CUBN: variants seen among roughly 807,000 people sequenced by gnomAD.
CUBN encodes the protein 460 kDa receptor.
In CUBN, 282 loss-of-function variants were observed where a neutral mutation model predicts 405.3. That is an observed-to-expected ratio of 0.70 (90% CI 0.63 to 0.77). The LOEUF is 0.77. Ranked by LOEUF, CUBN falls within the 30% of genes least tolerant of loss-of-function variation. The probability of loss-of-function intolerance (pLI) is 0.00; values close to 1 mark genes in which losing one functional copy is unlikely to be tolerated. For missense variants in CUBN, 4,514 were observed against 4,475.2 expected (o/e 1.01, Z -0.25); for synonymous variants, 1,684 against 1,617.0 (o/e 1.04, Z -0.99).
intron 26 of CUBN, 72 bp from the exon 27 acceptor site, chr10:17,041,292 T>A: frequency 2.4e-6 from 3 of 1,236,018 alleles, no homozygotes; most frequent in South Asian, 1.2e-5. Context: ...GATTTTCCTT[T>A]AAAAAAAATA....
chr10:17,129,130 A>G lies in CUBN; in HGVS notation c.243T>C (p.Cys81=). 6.2e-7 allele frequency: 1 copy of G among 1,612,354 alleles called. No homozygotes were observed. The highest frequency in any genetic ancestry group is 8.5e-7 in the Non-Finnish European group (1 of 1,178,480). The change falls in exon 2 of 67, where the codon TGT becomes TGC. Residue 81 remains cysteine (C), a synonymous_variant. Coordinates refer to ENST00000377833, the MANE Select transcript of CUBN (RefSeq NM_001081.4). ...IKLNDEDLSE[C]LHQIQKNKED... is the part of the protein sequence containing the mutation. ...ATTTCCAGTGTATTACCTGATGTAA[A>G]CACTCACTGAGATCTTCATCATTTA...
At chr10:16,873,269 A>G (rs1211411362) in intron 58 of CUBN, among the ~76,000 whole-genome samples, 1 of 152,148 alleles carries the variant, frequency 6.6e-6, no homozygotes, top group Non-Finnish European at 1.5e-5. Flanking sequence ...GAACTTTATC[A>G]TTCTGGAGAG....
At chr10:16,912,543 G>A (rs1390876805) in intron 48 of CUBN, among the ~76,000 whole-genome samples, 1 of 152,192 alleles carries the variant, frequency 6.6e-6, no homozygotes, top group Non-Finnish European at 1.5e-5. Context: ...GGCCAGGGTG[G>A]GGTCTGTAAT....
intron 43 of CUBN, among the ~76,000 whole-genome samples, chr10:16,921,282 C>T (rs1842025599): frequency 6.6e-6 from 1 of 152,140 alleles, no homozygotes; most frequent in African/African-American, 2.4e-5. Context: ...CATTTGTTAC[C>T]CCTAATTTAT....
chr10:16,885,800 C>T (rs769440707), intron 56 of CUBN, among the ~76,000 whole-genome samples: 2 of 152,184 alleles, frequency 1.3e-5, no homozygotes, highest in Non-Finnish European at 2.9e-5. Context: ...GTGAGATGCA[C>T]TGTTTATTTA....
At position 16,841,007 on chromosome 10, in the gene CUBN, G is replaced by C; in HGVS notation, c.9704C>G (p.Thr3235Arg). 3 of 1,614,040 alleles carry C rather than the reference G, an allele frequency of 1.9e-6. No individual in the cohort carries two copies. The highest frequency in any genetic ancestry group is 2.5e-6 in the Non-Finnish European group (3 of 1,179,978). ...GDSENANLAG[T>R]FCGSTVPAPF... is the part of the protein sequence containing the mutation. ...AGCAGGTACTGTGGAACCACAAAAC[G>C]TTCCAGCCAAGTTCGCATTTTCACT... The change falls in exon 61 of 67, where the codon ACG becomes AGG. Residue 3235 changes from threonine to arginine, a missense_variant. This residue lies in a region of CUBN where 1,186 missense variants were observed against 1,186.9 expected (regional missense o/e 1.00). Transcript: ENST00000377833.
chr10:16,992,913 C>A (rs1833635705), intron 28 of CUBN, among the ~76,000 whole-genome samples: 1 of 152,212 alleles, frequency 6.6e-6, no homozygotes, highest in Non-Finnish European at 1.5e-5. Context: ...ATTTGTCCGA[C>A]TACAACAACA....
chr10:16,997,260 C>G (rs539113682), intron 28 of CUBN, among the ~76,000 whole-genome samples: 1 of 151,886 alleles, frequency 6.6e-6, no homozygotes, highest in Non-Finnish European at 1.5e-5. Flanking sequence ...ATGGTGAAAC[C>G]CTGTCTCTAT....
intron 66 of CUBN, among the ~76,000 whole-genome samples, chr10:16,825,852 A>G (rs553523367): frequency 1.5e-4 from 23 of 152,126 alleles, no homozygotes; most frequent in Non-Finnish European, 2.9e-4. Context: ...CCCTACCCCA[A>G]GTCATCAAAA....
intron 14 of CUBN, among the ~76,000 whole-genome samples, chr10:17,098,308 C>A (rs2131294178): frequency 6.6e-6 from 1 of 152,284 alleles, no homozygotes; most frequent in Admixed American, 6.5e-5. Context: ...ATGTTAGGTT[C>A]TTTCCAAATT....
chr10:16,865,657 C>T (rs1225576219), intron 59 of CUBN, among the ~76,000 whole-genome samples: 2 of 152,074 alleles, frequency 1.3e-5, no homozygotes, highest in African/African-American at 4.8e-5. Flanking sequence ...ATGCACCAAT[C>T]AGCAGGATCC....
chr10:16,861,308 T>C (rs1011746829), intron 59 of CUBN, among the ~76,000 whole-genome samples: 3 of 152,008 alleles, frequency 2.0e-5, no homozygotes, highest in African/African-American at 7.2e-5. Context: ...ACTACAGGTG[T>C]GTGCCACCAA....
intron 32 of CUBN, among the ~76,000 whole-genome samples, chr10:16,952,862 G>A (rs566940811): frequency 6.6e-6 from 1 of 152,336 alleles, no homozygotes; most frequent in African/African-American, 2.4e-5. Flanking sequence ...GCTGGAGGGC[G>A]TAAGAGGAGT....
chr10:16,874,370 G>C lies in CUBN; in HGVS notation c.9236+4C>G. ...TCTTAAGAAAGCCAATTTGTCTTACGTACTTGAGCTCGATCACCTTGTCGT... is the reference window on the plus strand; with the variant it reads ...TCTTAAGAAAGCCAATTTGTCTTACCTACTTGAGCTCGATCACCTTGTCGT... On this transcript the variant is annotated splice_donor_region_variant and intron_variant, in intron 58 of 66. Transcript: ENST00000377833. The C allele has an allele frequency of 6.2e-7, 1 of 1,614,028 alleles. No homozygotes were observed.
At chr10:17,087,225 G>A (rs771502098) in intron 15 of CUBN, among the ~76,000 whole-genome samples, 2 of 152,040 alleles carry the variant, frequency 1.3e-5, no homozygotes, top group Non-Finnish European at 2.9e-5. Flanking sequence ...AAAAAATACA[G>A]GACAACCTGG....
intron 28 of CUBN, among the ~76,000 whole-genome samples, chr10:17,004,917 C>T (rs1297833504): frequency 3.3e-5 from 5 of 152,202 alleles, no homozygotes; most frequent in Admixed American, 2.0e-4. Flanking sequence ...CTTGGCCTCC[C>T]GAAGTGCTGG....
chr10:16,962,677 C>G (rs1843267574), intron 31 of CUBN, among the ~76,000 whole-genome samples: 1 of 152,172 alleles, frequency 6.6e-6, no homozygotes, highest in Non-Finnish European at 1.5e-5. Context: ...CTCTCTTGTC[C>G]TCTCTATTGC....
intron 65 of CUBN, among the ~76,000 whole-genome samples, chr10:16,830,477 T>C (rs1449648963): frequency 6.6e-6 from 1 of 152,180 alleles, no homozygotes; most frequent in African/African-American, 2.4e-5. Flanking sequence ...CTTTAGTTGT[T>C]TGATAAACAG....
chr10:16,879,376 C>T (rs1840605218), intron 56 of CUBN, among the ~76,000 whole-genome samples: 1 of 152,234 alleles, frequency 6.6e-6, no homozygotes, highest in African/African-American at 2.4e-5. Flanking sequence ...GCTTTTATTT[C>T]ATGGCGATGC....
Sources: gnomAD v4.1 joint callset for allele counts (sites outside exome capture counted in the v4.1 genomes callset) on GRCh38, gnomAD v4.1.1 for gene constraint, gnomAD v4.1.1 regional missense constraint, MANE v1.5 for transcripts, NCBI Gene and HGNC (gene_info 2026-07-23, HGNC 2026-07-21) for gene names.